Variants in TBC1D4 observed in about 807,000 individuals in gnomAD.
TBC1D4 encodes the protein TBC (Tre-2, BUB2, CDC16) domain-containing protein.
A neutral mutation model predicts 142.5 loss-of-function variants in TBC1D4; 121 were observed. That is an observed-to-expected ratio of 0.85 (90% confidence interval 0.73 to 0.99). The LOEUF (loss-of-function observed/expected upper bound fraction) is 0.99. TBC1D4 is among the 50% of genes least tolerant of loss of function. TBC1D4 has a pLI of 0.00. For synonymous variants in TBC1D4, 630 were observed against 628.2 expected (o/e 1.00, Z -0.04); for missense variants, 1,475 against 1,606.6 (o/e 0.92, Z 1.40).
At chr13:75,328,922 C>A (rs190153895) in intron 8 of TBC1D4, among the ~76,000 whole-genome samples, 2 of 151,984 alleles carry the variant, frequency 1.3e-5, no homozygotes, top group African/African-American at 4.8e-5. Context: ...GGTCATCAAC[C>A]CCCTCTCTTG....
At chr13:75,395,480 A>C (rs146124143) in intron 1 of TBC1D4, among the ~76,000 whole-genome samples, 464 of 150,908 alleles carry the variant, frequency 3.1e-3, no homozygotes, top group African/African-American at 0.011. Context: ...GTATTTCTCT[A>C]TGAGTTGCTG....
At chr13:75,414,716 C>T (rs1223795221) in intron 1 of TBC1D4, among the ~76,000 whole-genome samples, 1 of 151,848 alleles carries the variant, frequency 6.6e-6, no homozygotes, top group Non-Finnish European at 1.5e-5. Context: ...TGTCAATAAT[C>T]CAGATATGAG....
At chr13:75,310,270 C>T (rs1207905894) in intron 13 of TBC1D4, 119 bp from the exon 14 acceptor site, 6 of 1,011,226 alleles carry the variant, frequency 5.9e-6, no homozygotes, top group Non-Finnish European at 9.1e-6. Flanking sequence ...AAGCCGCTTT[C>T]CCTGTAACTT....
At chr13:75,439,707 G>A (rs995462739) in intron 1 of TBC1D4, among the ~76,000 whole-genome samples, 3 of 151,870 alleles carry the variant, frequency 2.0e-5, no homozygotes, top group African/African-American at 4.8e-5. Flanking sequence ...GTGCAGTGGC[G>A]CAGTCTGGAC....
intron 14 of TBC1D4, among the ~76,000 whole-genome samples, chr13:75,308,449 G>C (rs1277502029): frequency 6.6e-6 from 1 of 152,108 alleles, no homozygotes; most frequent in African/African-American, 2.4e-5. Flanking sequence ...TTTGACCTTA[G>C]GTTAATTCTC....
chr13:75,444,691 G>A (rs988438137), intron 1 of TBC1D4, among the ~76,000 whole-genome samples: 2 of 152,174 alleles, frequency 1.3e-5, no homozygotes, highest in East Asian at 1.9e-4. Flanking sequence ...AAAGGACAAC[G>A]AGTAAATAAA....
intron 1 of TBC1D4, among the ~76,000 whole-genome samples, chr13:75,374,444 T>A (rs1343455988): frequency 6.6e-6 from 1 of 152,162 alleles, no homozygotes; most frequent in Non-Finnish European, 1.5e-5. Context: ...CACCTTAGAA[T>A]TTCAAGTAGA....
chr13:75,295,406 T>C (rs1875808536), intron 17 of TBC1D4, among the ~76,000 whole-genome samples: 1 of 152,184 alleles, frequency 6.6e-6, no homozygotes, highest in Non-Finnish European at 1.5e-5. Flanking sequence ...CTAAAGAATC[T>C]ACCATGTTCA....
chr13:75,389,402 C>T (rs1884348938), intron 1 of TBC1D4, among the ~76,000 whole-genome samples: 1 of 152,178 alleles, frequency 6.6e-6, no homozygotes. Flanking sequence ...GCCACAACCA[C>T]ATCTTTTTTC....
At chr13:75,396,543 AT>A (rs1884803332) in intron 1 of TBC1D4, among the ~76,000 whole-genome samples, 8 of 152,192 alleles carry the variant, frequency 5.3e-5, no homozygotes, top group Admixed American at 5.2e-4. Flanking sequence ...TTGTGTCACA[AT>A]AATGATTTCC....
intron 7 of TBC1D4, among the ~76,000 whole-genome samples, chr13:75,340,725 T>A (rs571764): frequency 0.055 from 8,290 of 152,096 alleles, 573 homozygotes; most frequent in African/African-American, 0.16. Context: ...GGCGGGGGGA[T>A]CACCTGAAGT....
rs138513883 is a variant in TBC1D4, at chr13:75,346,954, G to A, written c.1408+2216C>T. Among the ~76,000 whole-genome samples the A allele has an allele frequency of 3.0e-3, 450 of 152,060 alleles. 8 individuals are homozygous for A. In the South Asian group the frequency reaches 0.053, roughly 18 times the overall value. On this transcript the variant is annotated intron_variant, in intron 5 of 20. Coordinates refer to ENST00000377636, the MANE Select transcript of TBC1D4 (RefSeq NM_014832.5). ...TATACTACTAATTATGCCATTGATC[G>A]ACATTTAGATCATTTCCAATTTTCC...
At chr13:75,481,217 C>A in intron 1 of TBC1D4, 53 bp downstream of exon 1, 7 of 1,113,288 alleles carry the variant, frequency 6.3e-6, no homozygotes, top group Non-Finnish European at 8.9e-6. Flanking sequence ...CCGCCCTGCT[C>A]CCCGATCCCC....
At chr13:75,344,063 A>ACTCCTGAC (rs1011280679) in intron 5 of TBC1D4, among the ~76,000 whole-genome samples, 3 of 148,000 alleles carry the variant, frequency 2.0e-5, no homozygotes, top group Non-Finnish European at 4.5e-5. Flanking sequence ...CTGGGCCTGA[A>ACTCCTGAC]CTCCTGACCT....
intron 1 of TBC1D4, among the ~76,000 whole-genome samples, chr13:75,369,112 G>C (rs1883085874): frequency 6.6e-6 from 1 of 152,118 alleles, no homozygotes; most frequent in Non-Finnish European, 1.5e-5. Flanking sequence ...TTTAGTGCTG[G>C]TGTAACAAGA....
rs995934449 is a variant in TBC1D4 at position 75,480,883 on chromosome 13, A to G, written c.498+387T>C. On this transcript the variant is annotated intron_variant, in intron 1 of 20. Transcript: ENST00000377636. ...CGCTCGCGCGCACACGCACGCACAC[A>G]CACACACACACACACACACACACGG... Among the ~76,000 whole-genome samples, 391 of 116,234 alleles carry G rather than the reference A, an allele frequency of 3.4e-3. 2 individuals are homozygous for G. The highest frequency in any genetic ancestry group is 9.4e-3 in the African/African-American group (372 of 39,752). The allele number at this position is 116,234 out of a possible 152,430, so 76.3% of individuals were successfully genotyped here.
intron 1 of TBC1D4, among the ~76,000 whole-genome samples, chr13:75,368,604 T>G (rs1883054774): frequency 6.6e-6 from 1 of 152,220 alleles, no homozygotes; most frequent in South Asian, 2.1e-4. Flanking sequence ...GCTGTCTCAC[T>G]GCTTCTCCAG....
chr13:75,359,831 T>A lies in TBC1D4; in HGVS notation c.1108A>T (p.Ser370Cys), dbSNP rs998550033. The change falls in exon 3 of 21, where the codon AGT becomes TGT. Residue 370 changes from serine to cysteine, a missense_variant. Around this residue, in one of 2 missense-constraint regions of TBC1D4, gnomAD observed 1,227 missense variants for 1,267.7 expected, o/e 0.97. Transcript: ENST00000377636. The stretch of plus-strand genomic sequence containing the variant: ...AGCACAACTGATTTAGTGTCTGGAC[T>A]GATAAGGTTAATCTCAAATCGCCCA... ...QVGRFEINLI[S>C]PDTKSVVLEK... is the part of the protein sequence containing the mutation. 2 of 1,613,714 alleles carry A rather than the reference T, an allele frequency of 1.2e-6. No homozygotes were observed. The highest frequency in any genetic ancestry group is 4.5e-5 in the East Asian group (2 of 44,758).
intron 1 of TBC1D4, among the ~76,000 whole-genome samples, chr13:75,406,405 G>A (rs971829080): frequency 2.6e-5 from 4 of 152,182 alleles, no homozygotes; most frequent in African/African-American, 9.6e-5. Flanking sequence ...AGCATTGCAG[G>A]CCTTTGTTAA....
Sources: gnomAD v4.1 joint callset for allele counts (sites outside exome capture counted in the v4.1 genomes callset) on GRCh38, gnomAD v4.1.1 for gene constraint, gnomAD v4.1.1 regional missense constraint, MANE v1.5 for transcripts, NCBI Gene and HGNC (gene_info 2026-07-23, HGNC 2026-07-21) for gene names.